PDZRN4: variants seen among roughly 807,000 people sequenced by gnomAD.
PDZRN4 encodes PDZ domain containing ring finger 4, also known as PDZ domain-containing RING finger protein 4.
In PDZRN4, 70 loss-of-function variants were observed where a neutral mutation model predicts 99.0. That is an observed-to-expected ratio of 0.71 (90% CI 0.58 to 0.86). PDZRN4 has a LOEUF of 0.86. Among genes scored for constraint, PDZRN4 ranks in the 40% least tolerant of loss-of-function variants. The pLI, the probability that PDZRN4 is intolerant of heterozygous loss-of-function variation, is 0.00. For synonymous variants in PDZRN4, 551 were observed against 501.6 expected, an observed-to-expected ratio of 1.10 and a Z score of -1.32; for missense variants, 1,474 against 1,331.2, an observed-to-expected ratio of 1.11 and a Z score of -1.67.
intron 3 of PDZRN4, among the ~76,000 whole-genome samples, chr12:41,256,315 T>A (rs1181334710): frequency 1.3e-5 from 2 of 152,298 alleles, no homozygotes; most frequent in East Asian, 1.9e-4. Context: ...ATTTTGATGA[T>A]GTTGTATAAT....
In PDZRN4 at chr12:41,423,405, C is replaced by T. The variant is rs556639042; in HGVS notation, c.844-83051C>T. Among the ~76,000 whole-genome samples, 17 of 152,080 alleles carry T rather than the reference C, an allele frequency of 1.1e-4. No individual in the cohort carries two copies. The South Asian group carries it at 2.5e-3, about 22-fold the overall frequency. ...GTGAGAACATGAGGTGTTTGGTTTT[C>T]GGTTCTTGCATTCGTTTTCTGAGAA... is the stretch of plus-strand genomic sequence containing the variant. On this transcript the variant is annotated intron_variant, in intron 3 of 9. Transcript: ENST00000402685.
chr12:41,573,604 G>A lies in PDZRN4; in HGVS notation c.2825G>A (p.Ser942Asn). Reference sequence around the variant, plus strand: ...GAGATGAAAATGGGGCGCTACTGGAGCAAAGAGGAGAGAAAGCAGCACCTG... The same window carrying A: ...GAGATGAAAATGGGGCGCTACTGGAACAAAGAGGAGAGAAAGCAGCACCTG... ...MSEMKMGRYW[S>N]KEERKQHLVR... The change falls in exon 10 of 10, where the codon AGC (serine) becomes AAC (asparagine). Residue 942 changes from serine to asparagine, a missense_variant. Transcript: ENST00000402685. 6.2e-7 allele frequency: 1 copy of A among 1,613,492 alleles called. No homozygotes were observed. The highest frequency in any genetic ancestry group is 2.2e-5 in the East Asian group (1 of 44,810).
In PDZRN4 at chr12:41,378,214, T is replaced by G. The variant is rs1470358790; in HGVS notation, c.844-128242T>G. On this transcript the variant is annotated intron_variant, in intron 3 of 9. Coordinates refer to ENST00000402685, the MANE Select transcript of PDZRN4 (RefSeq NM_001164595.2). ...ATGTGGAATTATGCTATATGCTTTT[T>G]GGGCATCTACTGAAATTATCATTAC... Among the ~76,000 whole-genome samples, 3 of 152,216 alleles carry G rather than the reference T, an allele frequency of 2.0e-5. No individual in the cohort carries two copies. In the East Asian group the frequency reaches 5.8e-4, roughly 29 times the overall value.
chr12:41,560,959 T>G (rs921199773), intron 7 of PDZRN4, among the ~76,000 whole-genome samples: 3 of 152,184 alleles, frequency 2.0e-5, no homozygotes, highest in Non-Finnish European at 4.4e-5. Context: ...ATGACAGATT[T>G]CTGTGTCAGT....
chr12:41,322,171 A>G (rs1951682914), intron 3 of PDZRN4, among the ~76,000 whole-genome samples: 1 of 152,022 alleles, frequency 6.6e-6, no homozygotes. Flanking sequence ...AGCTGGGACT[A>G]CAGGAACGTG....
chr12:41,250,805 G>A (rs189543846), intron 3 of PDZRN4, among the ~76,000 whole-genome samples: 1 of 152,310 alleles, frequency 6.6e-6, no homozygotes, highest in East Asian at 1.9e-4. Context: ...TGCTAAAGTT[G>A]TGGCTTTCTC....
intron 3 of PDZRN4, among the ~76,000 whole-genome samples, chr12:41,349,924 A>G (rs912665366): frequency 2.0e-5 from 3 of 151,962 alleles, no homozygotes; most frequent in Non-Finnish European, 2.9e-5. Flanking sequence ...TATAATATAT[A>G]TGAGGAATTG....
chr12:41,208,382 G>T (rs969003176), intron 3 of PDZRN4, among the ~76,000 whole-genome samples: 1 of 151,898 alleles, frequency 6.6e-6, no homozygotes, highest in Non-Finnish European at 1.5e-5. Flanking sequence ...TTTCACTAAA[G>T]AAATCTTCAT....
intron 3 of PDZRN4, among the ~76,000 whole-genome samples, chr12:41,492,132 CA>C (rs1937899111): frequency 6.6e-6 from 1 of 151,908 alleles, no homozygotes; most frequent in Non-Finnish European, 1.5e-5. Context: ...GTAACAGTCT[CA>C]AAAAATAAAA....
chr12:41,472,566 G>A (rs369088576), intron 3 of PDZRN4, among the ~76,000 whole-genome samples: 7 of 152,124 alleles, frequency 4.6e-5, no homozygotes, highest in South Asian at 2.1e-4. Context: ...ATAGTCTGAT[G>A]TTTGATCTAT....
At chr12:41,280,877 G>C (rs571385528) in intron 3 of PDZRN4, among the ~76,000 whole-genome samples, 256 of 152,310 alleles carry the variant, frequency 1.7e-3, no homozygotes, top group African/African-American at 5.6e-3. Flanking sequence ...CGGACAGACT[G>C]CCTCCTCAAG....
chr12:41,404,708 G>A lies in PDZRN4; in HGVS notation c.844-101748G>A, dbSNP rs184447627. Among the ~76,000 whole-genome samples the A allele has an allele frequency of 4.6e-5, 7 of 150,572 alleles. No homozygotes were observed. In the East Asian group the frequency reaches 1.4e-3, roughly 29 times the overall value. On this transcript the variant is annotated intron_variant, in intron 3 of 9. Transcript: ENST00000402685. Reference sequence around the variant, plus strand: ...AAAAGAGCATGAATAGCAATTCTAAGCTGGAGGCATCACACTACCCAATTT... The same window carrying A: ...AAAAGAGCATGAATAGCAATTCTAAACTGGAGGCATCACACTACCCAATTT...
intron 3 of PDZRN4, among the ~76,000 whole-genome samples, chr12:41,220,274 C>T (rs563300630): frequency 5.6e-4 from 85 of 152,162 alleles, no homozygotes; most frequent in Admixed American, 9.8e-4. Flanking sequence ...ATGTAGGTGG[C>T]CACCCTCTTG....
At chr12:41,472,970 T>C (rs1953007365) in intron 3 of PDZRN4, among the ~76,000 whole-genome samples, 1 of 152,226 alleles carries the variant, frequency 6.6e-6, no homozygotes, top group East Asian at 1.9e-4. Flanking sequence ...TGTAGCTAAC[T>C]AAGCATGCCA....
chr12:41,555,731 C>A lies in PDZRN4; in HGVS notation c.1336C>A (p.Arg446=), dbSNP rs776233940. ...DPNSIAAKDG[R]IREGDRILQI... is the part of the protein sequence containing the mutation. ...AAATAGCATTGCTGCCAAAGACGGC[C>A]GGATTCGAGAAGGGGATCGGATTTT... Residue 446 remains arginine, a synonymous_variant, in exon 7 of 10, where the codon CGG becomes AGG. Transcript: ENST00000402685. The A allele has an allele frequency of 2.5e-6, 4 of 1,613,878 alleles. No individual in the cohort carries two copies. The Admixed American group carries it at 6.7e-5, about 27-fold the overall frequency.
chr12:41,355,036 C>G (rs539913735), intron 3 of PDZRN4, among the ~76,000 whole-genome samples: 5 of 152,134 alleles, frequency 3.3e-5, no homozygotes, highest in Admixed American at 3.3e-4. Context: ...AATCAAGAGT[C>G]TTGTTTTGCC....
At chr12:41,425,338 G>T (rs1057498293) in intron 3 of PDZRN4, among the ~76,000 whole-genome samples, 3 of 151,104 alleles carry the variant, frequency 2.0e-5, no homozygotes, top group African/African-American at 4.9e-5. Flanking sequence ...TAGTATGGAA[G>T]GTGGAAGTAT....
intron 8 of PDZRN4, among the ~76,000 whole-genome samples, 183 bp from the exon 9 acceptor site, chr12:41,567,600 A>C (rs940108556): frequency 1.7e-5 from 2 of 116,222 alleles, no homozygotes; most frequent in Non-Finnish European, 3.5e-5. Context: ...AAGGCATAAG[A>C]GTCCTTTTTT....
At position 41,251,453 on chromosome 12, in the gene PDZRN4, C is replaced by T. The variant is rs554366389; in HGVS notation, c.843+57265C>T. Among the ~76,000 whole-genome samples, 6 of 152,192 alleles carry T rather than the reference C, an allele frequency of 3.9e-5. 1 individual carries two copies. The South Asian group carries it at 1.0e-3, about 26-fold the overall frequency. The stretch of plus-strand genomic sequence containing the variant: ...ATCAATGATTTCACCATTCTTCCTC[C>T]CAAGCTTCATTATAAATTTGGTATT... On this transcript the variant is annotated intron_variant, in intron 3 of 9. Coordinates refer to ENST00000402685, the MANE Select transcript of PDZRN4 (RefSeq NM_001164595.2).
Sources: allele counts gnomAD v4.1 joint callset (sites outside exome capture counted in the v4.1 genomes callset), GRCh38; gene constraint gnomAD v4.1.1; transcripts MANE v1.5; gene names NCBI Gene and HGNC (gene_info 2026-07-23, HGNC 2026-07-21).